Variants in EYA1 observed in about 807,000 individuals in gnomAD.
The protein encoded by EYA1 is protein phosphatase EYA1.
Under a neutral mutation model 82.0 loss-of-function variants are expected in EYA1, and 16 were observed. The ratio of observed to expected loss-of-function variants is 0.20; its 90% CI spans 0.13 to 0.30. EYA1 has a LOEUF of 0.30. Ranked by LOEUF, EYA1 falls within the 10% of genes least tolerant of loss-of-function variation. EYA1 has a pLI of 1.00. For missense variants in EYA1, 633 were observed against 730.7 expected (o/e 0.87, Z 1.54); for synonymous variants, 261 against 264.4 (o/e 0.99, Z 0.12).
chr8:71,339,935 C>T (rs1475904668), intron 3 of EYA1, among the ~76,000 whole-genome samples: 2 of 152,094 alleles, frequency 1.3e-5, no homozygotes, highest in African/African-American at 4.8e-5. Context: ...TGCATTTTCT[C>T]TCACAATCAT....
chr8:71,225,297 C>G (rs1180533043), intron 12 of EYA1: 1 of 456,078 alleles, frequency 2.2e-6, no homozygotes, highest in Non-Finnish European at 4.4e-6. Context: ...CTCTGGAAGC[C>G]CTTGACTCCT....
Position 71,294,886 on chromosome 8 carries a change from T to G in EYA1, c.826+4161A>C, listed in dbSNP as rs150573482. On this transcript the variant is annotated intron_variant, in intron 9 of 17. Transcript: ENST00000340726. ...AGACAGAGTGGTATTGGTGAAAAAA[T>G]AGACAAATGGATCAATGGAACAGAA... is the stretch of plus-strand genomic sequence containing the variant. Among the ~76,000 whole-genome samples, 439 of 152,154 alleles carry G rather than the reference T, an allele frequency of 2.9e-3. 5 individuals are homozygous for G. The highest frequency in any genetic ancestry group is 0.01 in the African/African-American group (427 of 41,496).
intron 11 of EYA1, among the ~76,000 whole-genome samples, chr8:71,259,834 G>T (rs1188372643): frequency 6.6e-6 from 1 of 152,098 alleles, no homozygotes; most frequent in Non-Finnish European, 1.5e-5. Context: ...AACGTTAAAG[G>T]TAACCATTTT....
chr8:71,344,553 T>C (rs540088373), intron 3 of EYA1, among the ~76,000 whole-genome samples: 1 of 152,318 alleles, frequency 6.6e-6, no homozygotes, highest in South Asian at 2.1e-4. Flanking sequence ...AAATACATAG[T>C]CCATGATCAC....
upstream of EYA1, chr8:71,362,192 CGCAAACCACA>C (rs1422538519): frequency 3.2e-6 from 2 of 623,842 alleles, no homozygotes; most frequent in African/African-American, 5.2e-5. Context: ...GTTTTTGCAA[CGCAAACCACA>C]GCTATTCTCT....
chr8:71,510,263 G>A (rs190958167), intron 2 of EYA1, among the ~76,000 whole-genome samples: 52 of 152,228 alleles, frequency 3.4e-4, no homozygotes, highest in Non-Finnish European at 8.8e-5. Context: ...AGCTCACCAC[G>A]ATTGAAAACA....
chr8:71,303,804 G>A lies in EYA1; in HGVS notation c.557-4084C>T, dbSNP rs113688781. Among the ~76,000 whole-genome samples, 12 of 142,786 alleles carry A rather than the reference G, an allele frequency of 8.4e-5. 3 individuals carry two copies. The highest frequency in any genetic ancestry group is 2.1e-4 in the Admixed American group (3 of 14,316). 93.7% of individuals were successfully genotyped at this position (142,786 alleles called of 152,430 possible). On this transcript the variant is annotated intron_variant, in intron 7 of 17. Coordinates refer to ENST00000340726, the MANE Select transcript of EYA1 (RefSeq NM_000503.6). ...TCTATGTTAGGAAGTAGGCTCGCCCGTACATGCTTCACCTATACTCCACAA... is the reference window on the plus strand; with the variant it reads ...TCTATGTTAGGAAGTAGGCTCGCCCATACATGCTTCACCTATACTCCACAA...
chr8:71,414,152 C>G (rs1830742942), intron 2 of EYA1, among the ~76,000 whole-genome samples: 1 of 152,160 alleles, frequency 6.6e-6, no homozygotes, highest in Non-Finnish European at 1.5e-5. Flanking sequence ...GCACCCATAT[C>G]AATCAATAGT....
intron 9 of EYA1, among the ~76,000 whole-genome samples, chr8:71,279,016 G>A (rs1272536555): frequency 6.6e-6 from 1 of 152,196 alleles, no homozygotes; most frequent in Non-Finnish European, 1.5e-5. Flanking sequence ...CTCACCACAT[G>A]TACAATGACA....
intron 3 of EYA1, among the ~76,000 whole-genome samples, chr8:71,353,587 C>T (rs1437635767): frequency 6.6e-6 from 1 of 152,116 alleles, no homozygotes. Context: ...TTAAAAGAAT[C>T]ACTGTTGGAA....
chr8:71,355,969 TAAG>T (rs1474519416), intron 2 of EYA1, among the ~76,000 whole-genome samples: 1 of 152,168 alleles, frequency 6.6e-6, no homozygotes, highest in Admixed American at 6.5e-5. Flanking sequence ...TATGTTTTTC[TAAG>T]AAAAAAGATG....
At chr8:71,243,753 G>C (rs1334801266) in intron 12 of EYA1, among the ~76,000 whole-genome samples, 2 of 152,110 alleles carry the variant, frequency 1.3e-5, no homozygotes, top group Admixed American at 6.5e-5. Context: ...ATATTTAAAG[G>C]CCAATTGCTG....
intron 7 of EYA1, among the ~76,000 whole-genome samples, chr8:71,302,336 T>C (rs1820286283): frequency 6.6e-6 from 1 of 152,034 alleles, no homozygotes; most frequent in Non-Finnish European, 1.5e-5. Flanking sequence ...TGAAATGAAG[T>C]AGGAAAGACC....
chr8:71,383,953 C>T (rs1356350900), intron 2 of EYA1, among the ~76,000 whole-genome samples: 2 of 151,482 alleles, frequency 1.3e-5, no homozygotes, highest in African/African-American at 4.8e-5. Context: ...TTTTAAAGAA[C>T]AAAAATTTAC....
intron 14 of EYA1, among the ~76,000 whole-genome samples, chr8:71,216,368 C>T (rs1809193983): frequency 7.7e-6 from 1 of 129,370 alleles, no homozygotes; most frequent in African/African-American, 2.7e-5. Flanking sequence ...TACAACCCAT[C>T]TTGTGATTTG....
chr8:71,283,951 C>A (rs1486917751), intron 9 of EYA1, among the ~76,000 whole-genome samples: 2 of 152,210 alleles, frequency 1.3e-5, no homozygotes, highest in African/African-American at 4.8e-5. Context: ...TAAAGGTCTG[C>A]CAGCTAGGCT....
At chr8:71,425,191 G>A (rs942259654) in intron 2 of EYA1, among the ~76,000 whole-genome samples, 1 of 151,580 alleles carries the variant, frequency 6.6e-6, no homozygotes, top group Non-Finnish European at 1.5e-5. Flanking sequence ...GCTGAGGCAG[G>A]AGAATGGTGT....
intron 2 of EYA1, among the ~76,000 whole-genome samples, chr8:71,370,357 A>G (rs1325677901): frequency 1.3e-5 from 2 of 148,542 alleles, no homozygotes; most frequent in Non-Finnish European, 3.0e-5. Flanking sequence ...CAGTCACTCA[A>G]CAAATATTTA....
chr8:71,400,736 C>T (rs970305505), intron 2 of EYA1, among the ~76,000 whole-genome samples: 1 of 152,194 alleles, frequency 6.6e-6, no homozygotes, highest in Non-Finnish European at 1.5e-5. Context: ...GGCAATTCCT[C>T]AAAGACCTAG....
Sources: allele counts gnomAD v4.1 joint callset (sites outside exome capture counted in the v4.1 genomes callset), GRCh38; gene constraint gnomAD v4.1.1; transcripts MANE v1.5; gene names NCBI Gene and HGNC (gene_info 2026-07-23, HGNC 2026-07-21).